Variants in MYRFL observed in about 807,000 individuals in gnomAD.
MYRFL encodes myelin regulatory factor like, also known as myelin regulatory factor-like protein.
MYRFL carries 88 observed loss-of-function variants against 109.4 expected under a neutral mutation model. The observed-to-expected ratio is 0.80, with a 90% CI of 0.68 to 0.96. The LOEUF (loss-of-function observed/expected upper bound fraction) is 0.96, where lower values mean the gene tolerates loss of function less well. Ranked by LOEUF, MYRFL falls within the 40% of genes least tolerant of loss-of-function variation. The pLI, the probability that MYRFL is intolerant of heterozygous loss-of-function variation, is 0.00. For missense variants in MYRFL, 957 were observed against 954.9 expected (o/e 1.00, Z -0.03); for synonymous variants, 324 against 320.9 (o/e 1.01, Z -0.10).
intron 2 of MYRFL, among the ~76,000 whole-genome samples, chr12:69,865,061 G>A (rs1219261981): frequency 6.6e-6 from 1 of 152,212 alleles, no homozygotes; most frequent in South Asian, 2.1e-4. Context: ...TACAGGGATG[G>A]AAATGTGTGA....
chr12:69,902,542 T>A (rs1954228417), intron 10 of MYRFL, among the ~76,000 whole-genome samples: 1 of 152,174 alleles, frequency 6.6e-6, no homozygotes, highest in South Asian at 2.1e-4. Context: ...GCCTGCAATG[T>A]ATCATATACC....
intron 15 of MYRFL, among the ~76,000 whole-genome samples, chr12:69,928,348 T>A (rs978953768): frequency 6.6e-6 from 1 of 152,206 alleles, no homozygotes; most frequent in Non-Finnish European, 1.5e-5. Flanking sequence ...GAAGCTGCAA[T>A]ACACCCTTTC....
chr12:69,895,645 T>A (rs1408213567), intron 9 of MYRFL, among the ~76,000 whole-genome samples, 164 bp downstream of exon 9: 4 of 152,110 alleles, frequency 2.6e-5, no homozygotes, highest in African/African-American at 9.7e-5. Context: ...ACATTTCTCC[T>A]TTACCTGTGG....
At chr12:69,922,844 T>C (rs1332508570) in intron 13 of MYRFL, among the ~76,000 whole-genome samples, 1 of 152,220 alleles carries the variant, frequency 6.6e-6, no homozygotes, top group African/African-American at 2.4e-5. Context: ...TTGAGGATTA[T>C]TGCCTAGATC....
chr12:69,915,705 A>C (rs1592822445), intron 13 of MYRFL, among the ~76,000 whole-genome samples: 1 of 152,018 alleles, frequency 6.6e-6, no homozygotes, highest in Non-Finnish European at 1.5e-5. Flanking sequence ...CAGGAGGTGG[A>C]GTGAGAGGGA....
chr12:69,829,594 G>A (rs1882495219), intron 1 of MYRFL, among the ~76,000 whole-genome samples: 1 of 152,106 alleles, frequency 6.6e-6, no homozygotes, highest in African/African-American at 2.4e-5. Flanking sequence ...CAGTGCAAAA[G>A]ACTAGTCCAT....
chr12:69,899,218 AT>A (rs1438464202), intron 10 of MYRFL, among the ~76,000 whole-genome samples: 1 of 146,978 alleles, frequency 6.8e-6, no homozygotes, highest in African/African-American at 2.5e-5. Flanking sequence ...TCAACCATTC[AT>A]CCCCCCACTA....
intron 13 of MYRFL, among the ~76,000 whole-genome samples, chr12:69,924,263 A>T (rs529303223): frequency 4.6e-4 from 70 of 152,002 alleles, no homozygotes; most frequent in African/African-American, 1.7e-3. Context: ...AACAGGATAC[A>T]TTCAGAGAAT....
In MYRFL at chr12:69,925,056, C is replaced by A. The variant is rs1006862730; in HGVS notation, c.1603-1515C>A. Among the ~76,000 whole-genome samples the A allele has an allele frequency of 3.3e-5, 5 of 152,126 alleles. No homozygotes were observed. In the East Asian group the frequency reaches 7.7e-4, roughly 23 times the overall value. On this transcript the variant is annotated intron_variant, in intron 13 of 24. Coordinates refer to ENST00000552032, the MANE Select transcript of MYRFL (RefSeq NM_182530.3). ...GGAGACAGACATATAACACCTGATA[C>A]AAGGCAAATGGCCAGGTGATAGAAT...
intron 19 of MYRFL, among the ~76,000 whole-genome samples, chr12:69,946,030 C>T (rs868645780): frequency 8.3e-6 from 1 of 120,504 alleles, no homozygotes. Flanking sequence ...GAAACTTAAT[C>T]AAGGGCTACA....
intron 1 of MYRFL, among the ~76,000 whole-genome samples, chr12:69,832,045 G>A (rs563836935): frequency 4.7e-4 from 72 of 152,300 alleles, no homozygotes; most frequent in African/African-American, 1.7e-3. Context: ...CACTATTAAA[G>A]TTTAGGGAGC....
At chr12:69,917,840 G>A (rs1447622822) in intron 13 of MYRFL, among the ~76,000 whole-genome samples, 1 of 151,616 alleles carries the variant, frequency 6.6e-6, no homozygotes, top group African/African-American at 2.4e-5. Context: ...TGAAGGAGAA[G>A]TGATTTTCTG....
chr12:69,932,887 G>GTT (rs1414180555), intron 16 of MYRFL, among the ~76,000 whole-genome samples: 1 of 151,626 alleles, frequency 6.6e-6, no homozygotes, highest in Non-Finnish European at 1.5e-5. Context: ...GTGTGTTTGT[G>GTT]TGTGTGTGTG....
intron 1 of MYRFL, among the ~76,000 whole-genome samples, chr12:69,831,135 C>A (rs1882606304): frequency 6.6e-6 from 1 of 152,054 alleles, no homozygotes; most frequent in South Asian, 2.1e-4. Flanking sequence ...ATAATTTGTA[C>A]TTTTTAGTAA....
intron 19 of MYRFL, among the ~76,000 whole-genome samples, chr12:69,942,829 T>A (rs1955704531): frequency 6.6e-6 from 1 of 151,914 alleles, no homozygotes; most frequent in Non-Finnish European, 1.5e-5. Flanking sequence ...ATAAGCAACT[T>A]CAGCAAAGTC....
At chr12:69,928,802 G>C (rs11177972) in intron 15 of MYRFL, among the ~76,000 whole-genome samples, 24,654 of 152,158 alleles carry the variant, frequency 0.16, 2,263 homozygotes, top group Middle Eastern at 0.23. Flanking sequence ...TAGTAGGTTA[G>C]TCAATAAACA....
intron 2 of MYRFL, among the ~76,000 whole-genome samples, chr12:69,860,788 G>T (rs1002766580): frequency 3.3e-5 from 5 of 150,970 alleles, no homozygotes; most frequent in Non-Finnish European, 7.4e-5. Context: ...TGTGCACAAT[G>T]TGCAGGTTAG....
At chr12:69,844,315 T>C (rs980997200) in intron 1 of MYRFL, among the ~76,000 whole-genome samples, 8 of 151,938 alleles carry the variant, frequency 5.3e-5, no homozygotes, top group Admixed American at 6.6e-5. Context: ...GGCCGGTGGG[T>C]GATCTAAAGC....
intron 21 of MYRFL, among the ~76,000 whole-genome samples, chr12:69,954,714 A>G (rs1007954954): frequency 6.6e-6 from 1 of 152,194 alleles, no homozygotes; most frequent in Non-Finnish European, 1.5e-5. Flanking sequence ...AATAAGGAGA[A>G]CTTGTTTTAG....
Sources: gnomAD v4.1 joint callset for allele counts (sites outside exome capture counted in the v4.1 genomes callset) on GRCh38, gnomAD v4.1.1 for gene constraint, MANE v1.5 for transcripts, NCBI Gene and HGNC (gene_info 2026-07-23, HGNC 2026-07-21) for gene names.